MLLT10: variants seen among roughly 807,000 people sequenced by gnomAD.
The protein encoded by MLLT10 is MLLT10 histone lysine methyltransferase DOT1L cofactor, also known as protein AF-10.
MLLT10 carries 30 observed loss-of-function variants against 129.1 expected under a neutral mutation model. The ratio of observed to expected loss-of-function variants is 0.23; its 90% CI spans 0.17 to 0.32. MLLT10 has a LOEUF of 0.32. MLLT10 is among the 10% of genes least tolerant of loss of function. MLLT10 has a pLI of 1.00. For synonymous variants in MLLT10, 490 were observed against 446.4 expected, an observed-to-expected ratio of 1.10 and a Z score of -1.23; for missense variants, 1,119 against 1,268.3, an observed-to-expected ratio of 0.88 and a Z score of 1.79.
chr10:21,678,001 G>A (rs1008144578), intron 11 of MLLT10, among the ~76,000 whole-genome samples: 3 of 152,234 alleles, frequency 2.0e-5, no homozygotes, highest in African/African-American at 7.2e-5. Flanking sequence ...TCTCGTGAGT[G>A]TATGTCATGT....
intron 14 of MLLT10, among the ~76,000 whole-genome samples, chr10:21,720,479 A>G (rs147344984): frequency 3.3e-4 from 50 of 152,348 alleles, no homozygotes; most frequent in Admixed American, 4.6e-4. Flanking sequence ...GAACCTTTCA[A>G]TTGTTCCCTA....
At position 21,673,926 on chromosome 10, in the gene MLLT10, G is replaced by A. The variant is rs777660842; in HGVS notation, c.1621+7G>A. The A allele has an allele frequency of 1.9e-6, 3 of 1,553,692 alleles. No homozygotes were observed. Among genetic ancestry groups the A allele is most frequent in the Non-Finnish European group, 2.6e-6 (3 of 1,153,414 alleles). On this transcript the variant is annotated splice_region_variant and intron_variant, in intron 11 of 22. Transcript: ENST00000307729. ...TCATCTCCAGTTGGTTCAGGTAGGG[G>A]TTTGCCTATTATTATTTTTCTCCTT...
intron 14 of MLLT10, among the ~76,000 whole-genome samples, chr10:21,725,232 G>T (rs1305116315): frequency 6.6e-6 from 1 of 152,194 alleles, no homozygotes; most frequent in Non-Finnish European, 1.5e-5. Context: ...GCCAGCTTGT[G>T]ATATGAGAGA....
chr10:21,624,519 A>T (rs760139210), intron 8 of MLLT10: 32 of 947,524 alleles, frequency 3.4e-5, no homozygotes, highest in East Asian at 8.3e-5. Flanking sequence ...GTTAAACAAA[A>T]TTTTTTTTGA....
In MLLT10 at chr10:21,605,086, T is replaced by TA. The variant is rs55928488; in HGVS notation, c.406-7246dup. 8.6e-3 allele frequency among the ~76,000 whole-genome samples: 1,196 copies of TA among 138,856 alleles called. 7 individuals are homozygous for TA. Among genetic ancestry groups the TA allele is most frequent in the African/African-American group, 0.026 (992 of 37,520 alleles). 91.1% of individuals were successfully genotyped at this position (138,856 alleles called of 152,430 possible). ...GCAACATAGTGAGACCCCATCTCTT[T>TA]AAAAAAAAAAAAAAAAGAAAGAAAT... On this transcript the variant is annotated intron_variant, in intron 5 of 22. Coordinates refer to ENST00000307729, the MANE Select transcript of MLLT10 (RefSeq NM_001195626.3).
intron 4 of MLLT10, among the ~76,000 whole-genome samples, chr10:21,590,382 C>G (rs963183050): frequency 6.6e-6 from 1 of 151,504 alleles, no homozygotes; most frequent in African/African-American, 2.4e-5. Context: ...CTCTGTCACT[C>G]AAGCTGGAAT....
At chr10:21,725,747 C>T (rs1365152266) in intron 14 of MLLT10, among the ~76,000 whole-genome samples, 15 of 144,736 alleles carry the variant, frequency 1.0e-4, no homozygotes, top group Non-Finnish European at 2.1e-4. Flanking sequence ...ATTGTAGTTA[C>T]GTAACTTTTT....
chr10:21,636,421 C>T (rs553249652), intron 8 of MLLT10, among the ~76,000 whole-genome samples: 5 of 152,222 alleles, frequency 3.3e-5, no homozygotes, highest in South Asian at 4.1e-4. Context: ...TGAGCCACTG[C>T]GACCGGCCCA....
rs35036202 is a variant in MLLT10 at position 21,726,681 on chromosome 10, CTTT to C, written c.1990+349_1990+351del. Reference sequence around the variant, plus strand: ...TGCTGTGCTGCAAAATAGCAATGTCCTTTTTTTTTTTTTTTTTTTTTTTTTATT... The same window carrying C: ...TGCTGTGCTGCAAAATAGCAATGTCCTTTTTTTTTTTTTTTTTTTTTTATT... On this transcript the variant is annotated intron_variant, in intron 15 of 22. Coordinates refer to ENST00000307729, the MANE Select transcript of MLLT10 (RefSeq NM_001195626.3). 2.5e-3 allele frequency among the ~76,000 whole-genome samples: 222 copies of C among 87,604 alleles called. No individual in the cohort carries two copies. The Middle Eastern group carries it at 0.033, about 13-fold the overall frequency. 57.5% of individuals were successfully genotyped at this position (87,604 alleles called of 152,430 possible). A position where few individuals can be genotyped will look rare whatever the true frequency, so the allele number is the denominator to read the frequency against.
chr10:21,630,873 T>C (rs1484511822), intron 8 of MLLT10, among the ~76,000 whole-genome samples: 3 of 152,120 alleles, frequency 2.0e-5, no homozygotes, highest in Non-Finnish European at 2.9e-5. Flanking sequence ...GCCATTGAAA[T>C]TGAGAATATT....
intron 3 of MLLT10, among the ~76,000 whole-genome samples, chr10:21,541,019 G>A (rs2035052828): frequency 6.6e-6 from 1 of 152,098 alleles, no homozygotes; most frequent in African/African-American, 2.4e-5. Flanking sequence ...AATTAGCTGG[G>A]TGTGGTGGTG....
chr10:21,595,635 G>A, intron 5 of MLLT10, 195 bp downstream of exon 5: 1 of 460,566 alleles, frequency 2.2e-6, no homozygotes, highest in South Asian at 5.4e-5. Flanking sequence ...AAGCAAAACT[G>A]TGTTACCTTT....
intron 8 of MLLT10, among the ~76,000 whole-genome samples, chr10:21,642,525 C>G (rs934319934): frequency 4.0e-5 from 6 of 151,804 alleles, no homozygotes; most frequent in Admixed American, 1.3e-4. Context: ...GGTGTGGTGG[C>G]ACATGCCGGT....
chr10:21,670,618 C>T lies in MLLT10; in HGVS notation c.965C>T (p.Ala322Val), dbSNP rs747897421. 4.3e-6 allele frequency: 7 copies of T among 1,614,160 alleles called. No individual in the cohort carries two copies. Among genetic ancestry groups the T allele is most frequent in the Non-Finnish European group, 5.9e-6 (7 of 1,180,022 alleles). Residue 322 changes from alanine (A) to valine (V), a missense_variant, in exon 10 of 23, where the codon GCT (alanine) becomes GTT (valine). By Grantham distance (64) the Ala-to-Val change is moderately conservative. Transcript: ENST00000307729. ...GAGGGCAAAGGGAAGAAATCTTCAG[C>T]TCACAGCTCAGGTCAAAGGGGAAGA... ...GSEGKGKKSS[A>V]HSSGQRGRKP... is the part of the protein sequence containing the mutation.
At chr10:21,709,745 C>CT (rs974569382) in intron 13 of MLLT10, among the ~76,000 whole-genome samples, 1 of 151,830 alleles carries the variant, frequency 6.6e-6, no homozygotes, top group African/African-American at 2.4e-5. Flanking sequence ...TCTTCCTTTC[C>CT]TTTCTTTTTC....
rs2055553649 is a variant in MLLT10, at chr10:21,706,801, T to G, written c.1700-6971T>G. ...AACTTAAGTCTAAACAATGTTCTTCTGGCGTCTACTCATACTGTATTCTTC... is the reference window on the plus strand; with the variant it reads ...AACTTAAGTCTAAACAATGTTCTTCGGGCGTCTACTCATACTGTATTCTTC... On this transcript the variant is annotated intron_variant, in intron 13 of 22. Transcript: ENST00000307729. Among the ~76,000 whole-genome samples, 4 of 152,222 alleles carry G rather than the reference T, an allele frequency of 2.6e-5. No homozygotes were observed. The East Asian group carries it at 7.7e-4, about 29-fold the overall frequency.
At chr10:21,609,313 G>A (rs1261262089) in intron 5 of MLLT10, among the ~76,000 whole-genome samples, 2 of 152,078 alleles carry the variant, frequency 1.3e-5, no homozygotes, top group African/African-American at 4.8e-5. Context: ...TTTCTTAGAG[G>A]GTGTACAATT....
intron 13 of MLLT10, chr10:21,708,653 CGTAT>C (rs1234858972): frequency 1.0e-6 from 1 of 984,688 alleles, no homozygotes; most frequent in Non-Finnish European, 1.2e-6. Context: ...TGCGTAATTT[CGTAT>C]GTAAGTATAC....
At position 21,673,790 on chromosome 10, in the gene MLLT10, G is replaced by C. The variant is rs1478498146; in HGVS notation, c.1492G>C (p.Ala498Pro). The C allele has an allele frequency of 6.2e-7, 1 of 1,614,164 alleles. No homozygotes were observed. The highest frequency in any genetic ancestry group is 8.5e-7 in the Non-Finnish European group (1 of 1,180,022). The change falls in exon 11 of 23, where the codon GCT (alanine) becomes CCT (proline). Residue 498 changes from alanine (A) to proline (P), a missense_variant. Coordinates refer to ENST00000307729, the MANE Select transcript of MLLT10 (RefSeq NM_001195626.3). ...TGTTTCTCATCTCTCAGTTTCTTCT[G>C]CTTCACCAACATCATCTGTAGCATC... Reference protein sequence around the residue: ...ENVSHLSVSSASPTSSVASAA... With the variant: ...ENVSHLSVSSPSPTSSVASAA...
Sources: gnomAD v4.1 joint callset for allele counts (sites outside exome capture counted in the v4.1 genomes callset) on GRCh38, gnomAD v4.1.1 for gene constraint, MANE v1.5 for transcripts, NCBI Gene and HGNC (gene_info 2026-07-23, HGNC 2026-07-21) for gene names.